DNER: variants seen among roughly 807,000 people sequenced by gnomAD.
The protein encoded by DNER is delta and Notch-like epidermal growth factor-related receptor.
DNER carries 33 observed loss-of-function variants against 78.2 expected under a neutral mutation model. The ratio of observed to expected loss-of-function variants is 0.42; its 90% CI spans 0.32 to 0.56. DNER has a LOEUF of 0.56. DNER is among the 20% of genes least tolerant of loss of function. The pLI is 0.11. For missense variants in DNER, 918 were observed against 975.3 expected (o/e 0.94, Z 0.78); for synonymous variants, 417 against 384.8 (o/e 1.08, Z -0.98).
At chr2:229,569,303 C>T (rs1342169277) in intron 4 of DNER, among the ~76,000 whole-genome samples, 1 of 152,130 alleles carries the variant, frequency 6.6e-6, no homozygotes, top group East Asian at 1.9e-4. Flanking sequence ...GGGCGGATCA[C>T]TTGAGGTCAG....
chr2:229,546,357 G>A (rs2396669), intron 5 of DNER, among the ~76,000 whole-genome samples: 14 of 152,112 alleles, frequency 9.2e-5, no homozygotes, highest in South Asian at 4.1e-4. Flanking sequence ...AAACTACTCC[G>A]TTAAGTTTAT....
At chr2:229,690,237 G>T (rs146135339) in intron 1 of DNER, among the ~76,000 whole-genome samples, 2 of 152,300 alleles carry the variant, frequency 1.3e-5, no homozygotes, top group Non-Finnish European at 2.9e-5. Context: ...TCACCTAGAG[G>T]TCTAATATGT....
At chr2:229,574,316 A>G (rs754985117) in intron 4 of DNER, among the ~76,000 whole-genome samples, 5 of 152,218 alleles carry the variant, frequency 3.3e-5, no homozygotes, top group Non-Finnish European at 7.3e-5. Context: ...CCAAAGAAGC[A>G]GAAAAAAGGA....
chr2:229,686,258 C>A (rs1699481224), intron 1 of DNER, among the ~76,000 whole-genome samples: 1 of 152,142 alleles, frequency 6.6e-6, no homozygotes, highest in Non-Finnish European at 1.5e-5. Context: ...GTTCATCTGG[C>A]ACAGCTACAG....
chr2:229,490,130 T>C lies in DNER; in HGVS notation c.1148-12877A>G, dbSNP rs539554248. Among the ~76,000 whole-genome samples, 16 of 152,002 alleles carry C rather than the reference T, an allele frequency of 1.1e-4. No homozygotes were observed. The South Asian group carries it at 3.1e-3, about 30-fold the overall frequency. The stretch of plus-strand genomic sequence containing the variant: ...AATTACTGCTTGTTTGCAGGACTGG[T>C]TTTAAGATAGAGAAGGCCAGAGAAT... On this transcript the variant is annotated intron_variant, in intron 6 of 12. Coordinates refer to ENST00000341772, the MANE Select transcript of DNER (RefSeq NM_139072.4).
rs370086584 is a variant in DNER at position 229,361,612 on chromosome 2, G to C, written c.2103-2961C>G. 5.6e-4 allele frequency among the ~76,000 whole-genome samples: 85 copies of C among 152,228 alleles called. 1 individual carries two copies. The highest frequency in any genetic ancestry group is 2.0e-3 in the African/African-American group (83 of 41,532). ...GACCACAAGAATCGCCCTTAGTGCT[G>C]CTCTCCAAAGGACGTGTCAATGTTT... is the stretch of plus-strand genomic sequence containing the variant. On this transcript the variant is annotated intron_variant, in intron 12 of 12. Coordinates refer to ENST00000341772, the MANE Select transcript of DNER (RefSeq NM_139072.4).
intron 7 of DNER, among the ~76,000 whole-genome samples, chr2:229,469,869 G>A (rs536768594): frequency 2.6e-5 from 4 of 152,142 alleles, no homozygotes; most frequent in South Asian, 4.1e-4. Context: ...CTTGAACCCC[G>A]GGAGGCAGAG....
intron 10 of DNER, among the ~76,000 whole-genome samples, chr2:229,391,138 T>G (rs1031951062): frequency 1.2e-4 from 19 of 152,220 alleles, no homozygotes; most frequent in Non-Finnish European, 1.9e-4. Flanking sequence ...GCTATCAGTC[T>G]TACGCAAAGT....
chr2:229,419,915 C>A (rs1019797382), intron 8 of DNER, among the ~76,000 whole-genome samples: 3 of 147,760 alleles, frequency 2.0e-5, no homozygotes, highest in African/African-American at 5.0e-5. Context: ...GGGGTTGCTG[C>A]TGGCATCTAG....
At chr2:229,676,150 G>C (rs890043999) in intron 1 of DNER, among the ~76,000 whole-genome samples, 8 of 152,220 alleles carry the variant, frequency 5.3e-5, no homozygotes, top group African/African-American at 1.7e-4. Context: ...ATGATTCTAA[G>C]TTTGAAAATA....
In DNER at chr2:229,385,099, CT is replaced by C. The variant is rs1450181611; in HGVS notation, c.1855+3165del. On this transcript the variant is annotated intron_variant, in intron 11 of 12. Transcript: ENST00000341772. The stretch of plus-strand genomic sequence containing the variant: ...TCTGGGCAACAGAGCGAGACTCCAT[CT>C]AAAAAAAAAAAAAAAAAGCTTATCC... Among the ~76,000 whole-genome samples the C allele has an allele frequency of 1.7e-3, 226 of 131,856 alleles. 1 individual carries two copies. The highest frequency in any genetic ancestry group is 0.014 in the South Asian group (53 of 3,798). 86.5% of individuals were successfully genotyped at this position (131,856 alleles called of 152,430 possible). A position where few individuals can be genotyped will look rare whatever the true frequency, so the allele number is the denominator to read the frequency against.
intron 4 of DNER, among the ~76,000 whole-genome samples, chr2:229,584,342 T>C (rs1697457065): frequency 6.6e-6 from 1 of 152,212 alleles, no homozygotes; most frequent in Admixed American, 6.5e-5. Flanking sequence ...AACAGCAGGA[T>C]GCAAGAAGTT....
intron 1 of DNER, among the ~76,000 whole-genome samples, chr2:229,689,975 A>G (rs747184303): frequency 1.1e-4 from 16 of 152,220 alleles, no homozygotes; most frequent in Admixed American, 2.0e-4. Flanking sequence ...TCCTACATGC[A>G]TCAACCTTTG....
In DNER at chr2:229,477,254, C is replaced by G. The variant is rs1695056598; in HGVS notation, c.1148-1G>C. On this transcript the variant is annotated splice_acceptor_variant, in intron 6 of 12. Coordinates refer to ENST00000341772, the MANE Select transcript of DNER (RefSeq NM_139072.4). LOFTEE classifies it high-confidence loss of function. ...GACTGGCAAAGCTCTCCAGTATAACCTGAATAAAACAAAATGTACATTTTA... is the reference window on the plus strand; with the variant it reads ...GACTGGCAAAGCTCTCCAGTATAACGTGAATAAAACAAAATGTACATTTTA... 6.2e-7 allele frequency: 1 copy of G among 1,602,558 alleles called. No individual in the cohort carries two copies. The highest frequency in any genetic ancestry group is 1.1e-5 in the South Asian group (1 of 89,710).
chr2:229,471,618 G>A lies in DNER; in HGVS notation c.1261+5522C>T, dbSNP rs115053920. Reference sequence around the variant, plus strand: ...GTAGTCAACCTTCATCCTTTTTACCGAAGAAAACTAAGGGTGGAAGAGATA... The same window carrying A: ...GTAGTCAACCTTCATCCTTTTTACCAAAGAAAACTAAGGGTGGAAGAGATA... On this transcript the variant is annotated intron_variant, in intron 7 of 12. Coordinates refer to ENST00000341772, the MANE Select transcript of DNER (RefSeq NM_139072.4). Among the ~76,000 whole-genome samples, 462 of 152,206 alleles carry A rather than the reference G, an allele frequency of 3.0e-3. 3 individuals are homozygous for A. The highest frequency in any genetic ancestry group is 0.01 in the African/African-American group (432 of 41,532).
intron 10 of DNER, among the ~76,000 whole-genome samples, chr2:229,405,496 C>T (rs1693360473): frequency 6.6e-6 from 1 of 152,016 alleles, no homozygotes; most frequent in African/African-American, 2.4e-5. Context: ...TTCTCAACTG[C>T]CCAAAAGTTG....
In DNER at chr2:229,397,463, CA is replaced by C. The variant is rs763572496; in HGVS notation, c.1724-9068del. 2.9e-3 allele frequency among the ~76,000 whole-genome samples: 283 copies of C among 96,578 alleles called. 8 individuals carry two copies. Among genetic ancestry groups the C allele is most frequent in the African/African-American group, 4.0e-3 (108 of 26,760 alleles). The allele number at this position is 96,578 out of a possible 152,430, so 63.4% of individuals were successfully genotyped here. On this transcript the variant is annotated intron_variant, in intron 10 of 12. Coordinates refer to ENST00000341772, the MANE Select transcript of DNER (RefSeq NM_139072.4). ...ACTGCTCCACTCCAGCCAAACACTACAAAAAAAAAAAAAAAACTGCAAGTCC... is the reference window on the plus strand; with the variant it reads ...ACTGCTCCACTCCAGCCAAACACTACAAAAAAAAAAAAAAACTGCAAGTCC...
intron 6 of DNER, among the ~76,000 whole-genome samples, chr2:229,482,171 C>A (rs1695174257): frequency 6.6e-6 from 1 of 152,234 alleles, no homozygotes; most frequent in African/African-American, 2.4e-5. Flanking sequence ...CATGGGCAGA[C>A]CACAAGCATT....
At chr2:229,711,005 A>G (rs879910695) in intron 1 of DNER, among the ~76,000 whole-genome samples, 3 of 151,482 alleles carry the variant, frequency 2.0e-5, no homozygotes, top group Non-Finnish European at 4.4e-5. Flanking sequence ...ACACACACAC[A>G]CACACACACA....
Sources: gnomAD v4.1 joint callset for allele counts (sites outside exome capture counted in the v4.1 genomes callset) on GRCh38, gnomAD v4.1.1 for gene constraint, MANE v1.5 for transcripts, NCBI Gene and HGNC (gene_info 2026-07-23, HGNC 2026-07-21) for gene names.